GALNT18: variants seen among roughly 807,000 people sequenced by gnomAD.
GALNT18 encodes the protein polypeptide N-acetylgalactosaminyltransferase 18, also known as GalNAc-transferase 18.
A neutral mutation model predicts 69.5 loss-of-function variants in GALNT18; 44 were observed. The ratio of observed to expected loss-of-function variants is 0.63; its 90% CI spans 0.50 to 0.81. The LOEUF (loss-of-function observed/expected upper bound fraction) is 0.81. GALNT18 is among the 40% of genes least tolerant of loss of function. The pLI, the probability that GALNT18 is intolerant of heterozygous loss-of-function variation, is 0.00. For synonymous variants in GALNT18, 364 were observed against 318.2 expected (o/e 1.14, Z -1.53); for missense variants, 715 against 810.0 (o/e 0.88, Z 1.42).
rs774910771 is a variant in GALNT18 at position 11,379,132 on chromosome 11, G to T, written c.728C>A (p.Thr243Asn). ...RSRVSGWRAA[T>N]APVVALFDAH... The stretch of plus-strand genomic sequence containing the variant: ...ATCAAAGAGTGCCACCACAGGGGCA[G>T]TGGCCGCCCTCCAGCCACTGACCCT... Residue 243 changes from threonine (T) to asparagine (N), a missense_variant, in exon 4 of 11, where the codon ACT (threonine) becomes AAT (asparagine). By Grantham distance (65) the Thr-to-Asn change is moderately conservative (BLOSUM62 0). Transcript: ENST00000227756. The T allele has an allele frequency of 1.9e-6, 3 of 1,610,902 alleles. No homozygotes were observed. Among genetic ancestry groups the T allele is most frequent in the Non-Finnish European group, 2.5e-6 (3 of 1,179,906 alleles).
rs1856956673 is a variant in GALNT18 at position 11,500,678 on chromosome 11, CAG to C, written c.236-51744_236-51743del. Among the ~76,000 whole-genome samples the C allele has an allele frequency of 1.3e-5, 2 of 152,226 alleles. No individual in the cohort carries two copies. Among genetic ancestry groups the C allele is most frequent in the African/African-American group, 2.4e-5 (1 of 41,466 alleles). On this transcript the variant is annotated intron_variant, in intron 1 of 10. Transcript: ENST00000227756. The surrounding 1 kb of genome is among the most constrained non-coding windows in gnomAD (Gnocchi z 5.0). Reference sequence around the variant, plus strand: ...AGAGAAGCCCTTCCCATGCACAGCACAGAGTCAGCCTCAGCACGTTTTAGCAC... The same window carrying C: ...AGAGAAGCCCTTCCCATGCACAGCACAGTCAGCCTCAGCACGTTTTAGCAC...
intron 9 of GALNT18, among the ~76,000 whole-genome samples, chr11:11,307,905 G>A (rs1471326827): frequency 1.3e-5 from 2 of 152,204 alleles, no homozygotes; most frequent in African/African-American, 4.8e-5. Context: ...AAGTTCAGTT[G>A]CCACGAGGAC....
In GALNT18 at chr11:11,447,805, A is replaced by G. The variant is rs562824187; in HGVS notation, c.428+939T>C. Among the ~76,000 whole-genome samples the G allele has an allele frequency of 2.0e-5, 3 of 152,302 alleles. No individual in the cohort carries two copies. The South Asian group carries it at 6.2e-4, about 32-fold the overall frequency. On this transcript the variant is annotated intron_variant, in intron 2 of 10. Transcript: ENST00000227756. ...TACCTCCTACCTGGTCCCTCCCACA[A>G]TATGTGGGGATTATGGGAACTACAA...
intron 8 of GALNT18, 33 bp from the exon 9 acceptor site, chr11:11,327,214 G>C (rs768614555): frequency 2.1e-6 from 3 of 1,452,268 alleles, no homozygotes; most frequent in South Asian, 2.3e-5. Context: ...CCACACCAAA[G>C]AGAGAGGAAC....
intron 1 of GALNT18, among the ~76,000 whole-genome samples, chr11:11,558,672 G>C: frequency 6.6e-6 from 1 of 152,124 alleles, no homozygotes; most frequent in East Asian, 1.9e-4. Context: ...CTGGGATAAA[G>C]CTCCCCTCTT....
chr11:11,567,858 C>T (rs1450601764), intron 1 of GALNT18, among the ~76,000 whole-genome samples: 1 of 152,228 alleles, frequency 6.6e-6, no homozygotes, highest in Non-Finnish European at 1.5e-5. Context: ...GGGAGATAAA[C>T]ATCCTATATA....
intron 9 of GALNT18, among the ~76,000 whole-genome samples, chr11:11,297,770 G>T (rs4910298): frequency 6.6e-6 from 1 of 152,002 alleles, no homozygotes; most frequent in Non-Finnish European, 1.5e-5. Context: ...CGTCATCCCC[G>T]CCCACTCAGC....
At chr11:11,293,237 C>T in intron 9 of GALNT18, 44 bp from the exon 10 acceptor site, 3 of 1,305,378 alleles carry the variant, frequency 2.3e-6, no homozygotes, top group South Asian at 6.3e-5. Flanking sequence ...ATGCCAATGG[C>T]CACGGAGACA....
chr11:11,277,655 C>T (rs192879192), intron 10 of GALNT18, among the ~76,000 whole-genome samples: 16 of 152,316 alleles, frequency 1.1e-4, no homozygotes, highest in Admixed American at 5.9e-4. Flanking sequence ...ACATTTCCCT[C>T]TACAACACTG....
intron 1 of GALNT18, among the ~76,000 whole-genome samples, chr11:11,539,423 C>A (rs1403428762): frequency 6.6e-6 from 1 of 152,204 alleles, no homozygotes; most frequent in African/African-American, 2.4e-5. Context: ...AGGTCGCTTT[C>A]CTTTGGCCTG....
rs1345957923 is a variant in GALNT18 at position 11,555,149 on chromosome 11, C to G, written c.235+66210G>C. On this transcript the variant is annotated intron_variant, in intron 1 of 10. Transcript: ENST00000227756. The surrounding 1 kb of genome is among the most constrained non-coding windows in gnomAD (Gnocchi z 4.7). ...GTCATCGGGACTTGAACTAAGGACT[C>G]TGAATGATGAGTCCTGCTCAGGATC... 1.3e-5 allele frequency among the ~76,000 whole-genome samples: 2 copies of G among 152,222 alleles called. No homozygotes were observed. The highest frequency in any genetic ancestry group is 4.8e-5 in the African/African-American group (2 of 41,458).
intron 9 of GALNT18, among the ~76,000 whole-genome samples, chr11:11,322,091 G>A (rs1271403360): frequency 6.6e-6 from 1 of 152,138 alleles, no homozygotes; most frequent in African/African-American, 2.4e-5. Flanking sequence ...CATTTATTGA[G>A]GACTTACTAC....
At chr11:11,277,323 G>C (rs1266701716) in intron 10 of GALNT18, among the ~76,000 whole-genome samples, 2 of 152,152 alleles carry the variant, frequency 1.3e-5, no homozygotes, top group Admixed American at 6.6e-5. Flanking sequence ...TATTCTGATG[G>C]TAGTTTGTAT....
intron 6 of GALNT18, among the ~76,000 whole-genome samples, chr11:11,355,122 T>C (rs1242498365): frequency 2.0e-5 from 3 of 152,208 alleles, no homozygotes; most frequent in African/African-American, 7.2e-5. Flanking sequence ...CGTATTGCCC[T>C]CCAATCCACT....
chr11:11,468,319 C>A (rs182944395), intron 1 of GALNT18, among the ~76,000 whole-genome samples: 49 of 152,322 alleles, frequency 3.2e-4, no homozygotes, highest in Middle Eastern at 3.4e-3. Flanking sequence ...TTGTTGAGGG[C>A]TCCTGAATAT....
rs1850192341 is a variant in GALNT18 at position 11,340,842 on chromosome 11, T to G, written c.1255A>C (p.Met419Leu). ...ACCTCCTGCGGTATGTTCCATGCCA[T>G]GTAGACGTGGCTTTTAAATTCATCC... ...WMDEFKSHVYMAWNIPQEDSG... is the reference protein window; with the variant it reads ...WMDEFKSHVYLAWNIPQEDSG... The change falls in exon 7 of 11, where the codon ATG (methionine) becomes CTG (leucine). Residue 419 changes from methionine to leucine, a missense_variant. Coordinates refer to ENST00000227756, the MANE Select transcript of GALNT18 (RefSeq NM_198516.3). This position sits in a 1 kb window ranked among gnomAD's most constrained non-coding sequence, Gnocchi z 4.2. The G allele has an allele frequency of 1.2e-6, 2 of 1,613,718 alleles. No individual in the cohort carries two copies. The highest frequency in any genetic ancestry group is 2.7e-5 in the African/African-American group (2 of 75,016).
chr11:11,433,907 G>T (rs373621174), intron 2 of GALNT18, among the ~76,000 whole-genome samples: 1 of 152,168 alleles, frequency 6.6e-6, no homozygotes, highest in Non-Finnish European at 1.5e-5. Context: ...GCTCCAGGGC[G>T]TTAGGGCTGG....
chr11:11,602,922 G>T lies in GALNT18; in HGVS notation c.235+18437C>A, dbSNP rs7947795. On this transcript the variant is annotated intron_variant, in intron 1 of 10. Coordinates refer to ENST00000227756, the MANE Select transcript of GALNT18 (RefSeq NM_198516.3). The surrounding 1 kb of genome is among the most constrained non-coding windows in gnomAD (Gnocchi z 4.7). ...AGGAGTCAAAATGGGTGGTAAACTTGGGAAATACTAGAATTTATGATTCAT... is the reference window on the plus strand; with the variant it reads ...AGGAGTCAAAATGGGTGGTAAACTTTGGAAATACTAGAATTTATGATTCAT... Among the ~76,000 whole-genome samples the T allele has an allele frequency of 0.95, 145,363 of 152,308 alleles. 69,428 individuals carry two copies. The highest frequency in any genetic ancestry group is 1 in the East Asian group (5,172 of 5,178).
rs1848815258 is a variant in GALNT18 at position 11,271,033 on chromosome 11, G to T, written c.*111C>A. On this transcript the variant is annotated 3_prime_UTR_variant, in exon 11 of 11. Coordinates refer to ENST00000227756, the MANE Select transcript of GALNT18 (RefSeq NM_198516.3). Reference sequence around the variant, plus strand: ...TAGGAAATAAAAAGCTCTTCTTGGGGGCCCACTAACCTGGTTCCCCAGACT... The same window carrying T: ...TAGGAAATAAAAAGCTCTTCTTGGGTGCCCACTAACCTGGTTCCCCAGACT... The T allele has an allele frequency of 2.2e-5, 19 of 875,656 alleles. No individual in the cohort carries two copies. In the South Asian group the frequency reaches 3.8e-4, roughly 17 times the overall value. The allele number at this position is 875,656 out of a possible 1,614,324, so 54.2% of individuals were successfully genotyped here.
Sources: allele counts gnomAD v4.1 joint callset (sites outside exome capture counted in the v4.1 genomes callset), GRCh38; gene constraint gnomAD v4.1.1; non-coding constraint Gnocchi (gnomAD v3.1); transcripts MANE v1.5; gene names NCBI Gene and HGNC (gene_info 2026-07-23, HGNC 2026-07-21).